MARCHF1: variants seen among roughly 807,000 people sequenced by gnomAD.
MARCHF1 encodes the protein E3 ubiquitin-protein ligase MARCHF1.
A neutral mutation model predicts 54.2 loss-of-function variants in MARCHF1; 40 were observed. That is an observed-to-expected ratio of 0.74 (90% CI 0.57 to 0.96). The LOEUF (loss-of-function observed/expected upper bound fraction) is 0.96, where lower values mean the gene tolerates loss of function less well. Among genes scored for constraint, MARCHF1 ranks in the 40% least tolerant of loss-of-function variants. The probability of loss-of-function intolerance (pLI) is 0.00; values close to 1 mark genes in which losing one functional copy is unlikely to be tolerated. For synonymous variants in MARCHF1, 236 were observed against 236.3 expected (o/e 1.00, Z 0.01); for missense variants, 586 against 656.5 (o/e 0.89, Z 1.17).
In MARCHF1 at chr4:164,115,169, G is replaced by T. The variant is rs146335364; in HGVS notation, c.-322-3507C>A. Among the ~76,000 whole-genome samples the T allele has an allele frequency of 6.5e-3, 986 of 152,008 alleles. 12 individuals carry two copies. Among genetic ancestry groups the T allele is most frequent in the African/African-American group, 0.019 (802 of 41,500 alleles). On this transcript the variant is annotated intron_variant, in intron 1 of 9. Coordinates refer to ENST00000514618, the MANE Select transcript of MARCHF1 (RefSeq NM_001394959.1). ...AACTCATATGTTCTCCGCATACAAA[G>T]GGTCTTATATTTGTTTTCAATTTCT... is the stretch of plus-strand genomic sequence containing the variant.
In MARCHF1 at chr4:164,350,955, C is replaced by T. The variant is rs555216708; in HGVS notation, c.-323+32915G>A. Among the ~76,000 whole-genome samples the T allele has an allele frequency of 1.0e-3, 153 of 152,094 alleles. 2 individuals are homozygous for T. The highest frequency in any genetic ancestry group is 8.3e-3 in the South Asian group (40 of 4,814). ...GCGAGGCATTGCCTCACCTGGGAAG[C>T]GCAAGGGGTCAGGGAGTTCCCTTTC... On this transcript the variant is annotated intron_variant, in intron 1 of 9. Transcript: ENST00000514618.
chr4:163,922,369 T>TA (rs1031158676), intron 3 of MARCHF1, among the ~76,000 whole-genome samples: 1 of 152,036 alleles, frequency 6.6e-6, no homozygotes, highest in Non-Finnish European at 1.5e-5. Context: ...ATAATAATAA[T>TA]AAAAAAATCA....
At chr4:164,226,836 C>A (rs1732268611) in intron 1 of MARCHF1, among the ~76,000 whole-genome samples, 1 of 151,978 alleles carries the variant, frequency 6.6e-6, no homozygotes, top group Admixed American at 6.6e-5. Context: ...CCCATAACAG[C>A]TGAATGAAAG....
chr4:164,319,199 G>C (rs1334188353), intron 1 of MARCHF1, among the ~76,000 whole-genome samples: 2 of 152,046 alleles, frequency 1.3e-5, no homozygotes, highest in African/African-American at 4.8e-5. Flanking sequence ...ATATAACACA[G>C]CAAATCTTTA....
intron 8 of MARCHF1, among the ~76,000 whole-genome samples, chr4:163,580,333 C>T (rs1054737703): frequency 2.0e-4 from 30 of 152,240 alleles, no homozygotes; most frequent in African/African-American, 6.7e-4. Context: ...CCGCCTCGGC[C>T]TCCCAAAGTG....
At chr4:163,921,165 T>G (rs1214258739) in intron 3 of MARCHF1, among the ~76,000 whole-genome samples, 1 of 152,150 alleles carries the variant, frequency 6.6e-6, no homozygotes, top group Non-Finnish European at 1.5e-5. Flanking sequence ...TGAGAAGAAG[T>G]AAAGATAGCC....
intron 8 of MARCHF1, 36 bp downstream of exon 8, chr4:163,585,713 T>C: frequency 6.8e-7 from 1 of 1,462,886 alleles, no homozygotes; most frequent in Non-Finnish European, 9.1e-7. Flanking sequence ...GCTTTGCAAA[T>C]GGTCCCTCCC....
intron 3 of MARCHF1, among the ~76,000 whole-genome samples, chr4:163,881,521 G>A (rs1276996052): frequency 1.3e-5 from 2 of 152,026 alleles, no homozygotes; most frequent in African/African-American, 2.4e-5. Context: ...CACCCACTCC[G>A]CATGAGGCTG....
In MARCHF1 at chr4:163,700,793, A is replaced by G; in HGVS notation, c.162+20T>C. 1 of 1,531,030 alleles carries G rather than the reference A, an allele frequency of 6.5e-7. No homozygotes were observed. Among genetic ancestry groups the G allele is most frequent in the Non-Finnish European group, 8.8e-7 (1 of 1,141,542 alleles). The allele number at this position is 1,531,030 out of a possible 1,614,324, so 94.8% of individuals were successfully genotyped here. A position where few individuals can be genotyped will look rare whatever the true frequency, so the allele number is the denominator to read the frequency against. On this transcript the variant is annotated intron_variant, in intron 5 of 9. Coordinates refer to ENST00000514618, the MANE Select transcript of MARCHF1 (RefSeq NM_001394959.1). ...TGAAGTGCAGAAGTCAACAAACAAG[A>G]AAATGAGTACTTCACCTACTTTTGA... is the stretch of plus-strand genomic sequence containing the variant.
In MARCHF1 at chr4:163,814,663, G is replaced by A. The variant is rs571077740; in HGVS notation, c.111+39358C>T. On this transcript the variant is annotated intron_variant, in intron 4 of 9. Transcript: ENST00000514618. ...TGAAACTTTGCCACACAATGCAACA[G>A]AAATTGAGATGGACTAAAAGGCAGA... 2.6e-4 allele frequency among the ~76,000 whole-genome samples: 39 copies of A among 152,312 alleles called. No homozygotes were observed. In the South Asian group the frequency reaches 7.5e-3, roughly 29 times the overall value.
chr4:163,901,590 C>T (rs994189670), intron 3 of MARCHF1, among the ~76,000 whole-genome samples: 1 of 152,082 alleles, frequency 6.6e-6, no homozygotes, highest in African/African-American at 2.4e-5. Context: ...GTTTTCAGCC[C>T]TGGGAATATT....
At chr4:163,577,242 C>A (rs1208454477) in intron 8 of MARCHF1, among the ~76,000 whole-genome samples, 1 of 152,014 alleles carries the variant, frequency 6.6e-6, no homozygotes, top group Admixed American at 6.6e-5. Flanking sequence ...ATGTTTAGAA[C>A]TCCCTTAAGG....
intron 3 of MARCHF1, among the ~76,000 whole-genome samples, chr4:163,969,584 C>T (rs1321967494): frequency 6.6e-6 from 1 of 152,176 alleles, no homozygotes; most frequent in Non-Finnish European, 1.5e-5. Context: ...GTTCATCCTT[C>T]CATTATTTAC....
intron 4 of MARCHF1, among the ~76,000 whole-genome samples, chr4:163,794,797 T>C (rs1459695288): frequency 6.6e-6 from 1 of 152,206 alleles, no homozygotes; most frequent in Non-Finnish European, 1.5e-5. Context: ...TTATACTATG[T>C]GAGCTTTAAA....
intron 1 of MARCHF1, among the ~76,000 whole-genome samples, chr4:164,325,181 A>G (rs1274103483): frequency 6.6e-6 from 1 of 151,772 alleles, no homozygotes; most frequent in Non-Finnish European, 1.5e-5. Flanking sequence ...ATAATCAAAG[A>G]TACAGGTAAT....
intron 4 of MARCHF1, among the ~76,000 whole-genome samples, chr4:163,719,285 G>GT (rs1220526984): frequency 6.6e-6 from 1 of 151,748 alleles, no homozygotes; most frequent in Non-Finnish European, 1.5e-5. Flanking sequence ...GCAGTGTTTG[G>GT]TTTTTTGTTC....
chr4:164,020,008 C>T (rs967475561), intron 2 of MARCHF1, among the ~76,000 whole-genome samples: 16 of 152,262 alleles, frequency 1.1e-4, no homozygotes, highest in African/African-American at 3.9e-4. Context: ...TTGTTTTTGG[C>T]AGTGGAAGCA....
intron 1 of MARCHF1, among the ~76,000 whole-genome samples, chr4:164,307,294 C>A (rs552526441): frequency 6.5e-4 from 99 of 152,358 alleles, no homozygotes; most frequent in African/African-American, 2.3e-3. Context: ...GAGCTTCTTA[C>A]AGCCTAGCAT....
intron 1 of MARCHF1, among the ~76,000 whole-genome samples, chr4:164,137,519 C>A (rs974125040): frequency 6.6e-6 from 1 of 151,890 alleles, no homozygotes; most frequent in African/African-American, 2.4e-5. Flanking sequence ...ACGATATTAG[C>A]GGAAAATGCG....
Sources: gnomAD v4.1 joint callset for allele counts (sites outside exome capture counted in the v4.1 genomes callset) on GRCh38, gnomAD v4.1.1 for gene constraint, MANE v1.5 for transcripts, NCBI Gene and HGNC (gene_info 2026-07-23, HGNC 2026-07-21) for gene names.